TMEM272: variants seen among roughly 807,000 people sequenced by gnomAD.
TMEM272 encodes the protein long intergenic non-protein coding RNA 282.
A neutral mutation model predicts 3.7 loss-of-function variants in TMEM272; 8 were observed. The ratio of observed to expected loss-of-function variants is 2.17; its 90% CI spans 1.27 to 3.91. The LOEUF is 3.91. Among genes scored for constraint, TMEM272 ranks in the 30% most tolerant of loss-of-function variants. The pLI, the probability that TMEM272 is intolerant of heterozygous loss-of-function variation, is 0.00. For synonymous variants in TMEM272, 63 were observed against 39.8 expected (o/e 1.58, Z -2.20); for missense variants, 166 against 91.5 (o/e 1.81, Z -3.32).
At chr13:51,873,993 C>T in the TMEM272 span, among the ~76,000 whole-genome samples, 1 of 152,354 alleles carries the variant, frequency 6.6e-6, no homozygotes, top group Admixed American at 6.5e-5. Context: ...AGAACTCAGA[C>T]ATGTGATCCA....
the TMEM272 span, among the ~76,000 whole-genome samples, chr13:51,903,232 T>C: frequency 2.0e-5 from 3 of 152,196 alleles, no homozygotes; most frequent in Admixed American, 6.5e-5. Flanking sequence ...AGCAAGGTGA[T>C]CTAGAGACAC....
In TMEM272 at chr13:51,843,001, C is replaced by T. The variant is rs187572933; in HGVS notation, c.-24+2015G>A. ...AATTGACTTATAAATGAGCTGTATCCATTTCCAGTGCCACCAGCAATATGA... is the reference window on the plus strand; with the variant it reads ...AATTGACTTATAAATGAGCTGTATCTATTTCCAGTGCCACCAGCAATATGA... On this transcript the variant is annotated intron_variant, in intron 1 of 4. Coordinates refer to ENST00000629372, the MANE Select transcript of TMEM272 (RefSeq NM_001351003.2). Among the ~76,000 whole-genome samples, 5 of 152,292 alleles carry T rather than the reference C, an allele frequency of 3.3e-5. No homozygotes were observed. The East Asian group carries it at 5.8e-4, about 18-fold the overall frequency.
the TMEM272 span, among the ~76,000 whole-genome samples, chr13:51,874,312 T>C: frequency 6.6e-6 from 1 of 152,212 alleles, no homozygotes; most frequent in African/African-American, 2.4e-5. Flanking sequence ...ATAAATGCCA[T>C]CTCTAATAAG....
chr13:51,838,411 T>G, intron 2 of TMEM272, 62 bp downstream of exon 2: 2 of 702,998 alleles, frequency 2.8e-6, no homozygotes, highest in Non-Finnish European at 5.2e-6. Flanking sequence ...CTTTAGCTCA[T>G]CGGGTGATCC....
intron 4 of TMEM272, among the ~76,000 whole-genome samples, chr13:51,820,715 A>G (rs1281036720): frequency 2.6e-5 from 4 of 152,134 alleles, no homozygotes; most frequent in Non-Finnish European, 5.9e-5. Context: ...AAGCATCTCT[A>G]TGGCACTCAA....
chr13:51,882,553 T>C, the TMEM272 span, among the ~76,000 whole-genome samples: 1 of 152,030 alleles, frequency 6.6e-6, no homozygotes, highest in Non-Finnish European at 1.5e-5. Context: ...AACCAACAGT[T>C]ATAAAAGTGT....
At chr13:51,925,869 G>A in the TMEM272 span, among the ~76,000 whole-genome samples, 1 of 152,126 alleles carries the variant, frequency 6.6e-6, no homozygotes, top group Non-Finnish European at 1.5e-5. Context: ...CCTAAGACAA[G>A]GAGCTCCTTC....
At chr13:51,922,610 G>C in the TMEM272 span, among the ~76,000 whole-genome samples, 1 of 152,186 alleles carries the variant, frequency 6.6e-6, no homozygotes, top group Non-Finnish European at 1.5e-5. Context: ...TGTTGCAGCT[G>C]TAACAAACTA....
intron 4 of TMEM272, among the ~76,000 whole-genome samples, chr13:51,820,061 C>CA (rs1956066354): frequency 6.6e-6 from 1 of 152,208 alleles, no homozygotes; most frequent in South Asian, 2.1e-4. Flanking sequence ...CACCCAAACA[C>CA]ACACATGTCC....
the TMEM272 span, among the ~76,000 whole-genome samples, chr13:51,915,043 T>C: frequency 6.6e-6 from 1 of 152,190 alleles, no homozygotes; most frequent in African/African-American, 2.4e-5. Context: ...AGAATGTAAA[T>C]ACTTCACGGC....
At chr13:51,859,483 C>T in the TMEM272 span, among the ~76,000 whole-genome samples, 3 of 148,612 alleles carry the variant, frequency 2.0e-5, no homozygotes, top group Non-Finnish European at 4.4e-5. Context: ...TATGCCCAAC[C>T]TGCACCCCCG....
At chr13:51,848,986 C>T (rs1209461420), upstream of TMEM272, among the ~76,000 whole-genome samples, 9 of 152,168 alleles carry the variant, frequency 5.9e-5, no homozygotes, top group South Asian at 2.1e-4. Flanking sequence ...TTCATCCTGA[C>T]GGCTTCCTAA....
chr13:51,866,325 C>A, the TMEM272 span: 1 of 427,888 alleles, frequency 2.3e-6, no homozygotes, highest in East Asian at 3.6e-5. Flanking sequence ...CGGTCCCAGG[C>A]AGCTCCCAGT....
chr13:51,926,614 G>A, the TMEM272 span, among the ~76,000 whole-genome samples: 23 of 150,072 alleles, frequency 1.5e-4, no homozygotes, highest in South Asian at 1.1e-3. Flanking sequence ...GTTGGGGGTG[G>A]GGGGGGTGGG....
chr13:51,853,149 G>A, the TMEM272 span, among the ~76,000 whole-genome samples: 3 of 152,192 alleles, frequency 2.0e-5, no homozygotes, highest in Non-Finnish European at 2.9e-5. Context: ...GCTCATACCT[G>A]TAATCCCAGC....
chr13:51,874,566 A>G, the TMEM272 span, among the ~76,000 whole-genome samples: 5 of 152,140 alleles, frequency 3.3e-5, no homozygotes, highest in Non-Finnish European at 7.4e-5. Context: ...CCAATGAGGA[A>G]CCACACATCT....
the TMEM272 span, among the ~76,000 whole-genome samples, chr13:51,924,501 T>G: frequency 6.6e-6 from 1 of 152,204 alleles, no homozygotes; most frequent in African/African-American, 2.4e-5. Flanking sequence ...AGTCTAGGGA[T>G]GGAGCCCCCA....
the TMEM272 span, chr13:51,910,672 C>T: frequency 6.7e-6 from 3 of 451,120 alleles, no homozygotes; most frequent in South Asian, 4.0e-5. Flanking sequence ...CCTGTCGAGG[C>T]CACAATAAGC....
the TMEM272 span, chr13:51,909,743 T>C: frequency 2.6e-6 from 4 of 1,557,884 alleles, no homozygotes; most frequent in Non-Finnish European, 2.7e-6. Flanking sequence ...TGTTCATTTC[T>C]AATTCCAAGT....
Sources: gnomAD v4.1 joint callset for allele counts (sites outside exome capture counted in the v4.1 genomes callset) on GRCh38, gnomAD v4.1.1 for gene constraint, MANE v1.5 for transcripts, NCBI Gene and HGNC (gene_info 2026-07-23, HGNC 2026-07-21) for gene names.